Variants in CEP120 observed in about 807,000 individuals in gnomAD.
CEP120 encodes the protein centrosomal protein of 120 kDa.
In CEP120, 113 loss-of-function variants were observed where a neutral mutation model predicts 126.5. That is an observed-to-expected ratio of 0.89 (90% CI 0.77 to 1.04). The LOEUF (loss-of-function observed/expected upper bound fraction) is 1.04. Among genes scored for constraint, CEP120 ranks in the 50% least tolerant of loss-of-function variants. The pLI is 0.00. For missense variants in CEP120, 1,230 were observed against 1,155.7 expected, an observed-to-expected ratio of 1.06 and a Z score of -0.93; for synonymous variants, 400 against 394.3, an observed-to-expected ratio of 1.01 and a Z score of -0.17.
intron 4 of CEP120, among the ~76,000 whole-genome samples, chr5:123,404,058 T>C (rs1327553565): frequency 1.3e-5 from 2 of 152,250 alleles, no homozygotes; most frequent in African/African-American, 4.8e-5. Context: ...CCAGTTCTGA[T>C]GGATATACCA....
chr5:123,378,976 A>C (rs951860174), intron 14 of CEP120, among the ~76,000 whole-genome samples: 1 of 152,042 alleles, frequency 6.6e-6, no homozygotes, highest in African/African-American at 2.4e-5. Context: ...ATCTAGCATG[A>C]AAATTAGGAA....
chr5:123,348,042 A>G (rs896850863), intron 19 of CEP120, among the ~76,000 whole-genome samples: 3 of 152,152 alleles, frequency 2.0e-5, no homozygotes, highest in Non-Finnish European at 4.4e-5. Flanking sequence ...ACTGAACACT[A>G]CTTCCATGAA....
intron 16 of CEP120, among the ~76,000 whole-genome samples, chr5:123,376,338 G>A (rs976684035): frequency 6.6e-6 from 1 of 152,040 alleles, no homozygotes; most frequent in Non-Finnish European, 1.5e-5. Context: ...AAGATCCTGT[G>A]GTTGAAGTGA....
chr5:123,388,681 G>A (rs1772184734), intron 8 of CEP120, 75 bp from the exon 9 acceptor site: 1 of 1,180,216 alleles, frequency 8.5e-7, no homozygotes, highest in Non-Finnish European at 1.1e-6. Context: ...GATAGTTTAA[G>A]GCTATCATCT....
chr5:123,375,761 C>A (rs1216359619), intron 16 of CEP120, among the ~76,000 whole-genome samples: 1 of 152,080 alleles, frequency 6.6e-6, no homozygotes, highest in African/African-American at 2.4e-5. Context: ...ACTGGTGAAT[C>A]CCATCATAAT....
At chr5:123,378,638 T>C (rs1477221428) in intron 14 of CEP120, among the ~76,000 whole-genome samples, 1 of 152,116 alleles carries the variant, frequency 6.6e-6, no homozygotes, top group Non-Finnish European at 1.5e-5. Flanking sequence ...TGGTCTTTTT[T>C]CTTCTCCAAG....
Position 123,399,182 on chromosome 5 carries a change from G to A in CEP120, c.566C>T (p.Ser189Phe). 6.2e-7 allele frequency: 1 copy of A among 1,613,160 alleles called. No homozygotes were observed. Among genetic ancestry groups the A allele is most frequent in the South Asian group, 1.1e-5 (1 of 91,022 alleles). The change falls in exon 5 of 20, where the codon TCC becomes TTC. Residue 189 changes from serine (S) to phenylalanine (F), a missense_variant. Physicochemically the swap from Ser to Phe is radical, Grantham distance 155. Coordinates refer to ENST00000306467, the MANE Select transcript of CEP120 (RefSeq NM_001375405.1). ...TGCTATGGTCACTGACATAATAAAGGAGTCAGTACAGTATTCTGCTGGTCC... is the reference window on the plus strand; with the variant it reads ...TGCTATGGTCACTGACATAATAAAGAAGTCAGTACAGTATTCTGCTGGTCC... ...QIGPAEYCTD[S>F]FIMSVTIAFA...
In CEP120 at chr5:123,411,714, CA is replaced by C. The variant is rs1774069613; in HGVS notation, c.463+684del. Among the ~76,000 whole-genome samples, 4 of 152,230 alleles carry C rather than the reference CA, an allele frequency of 2.6e-5. No homozygotes were observed. In the South Asian group the frequency reaches 6.2e-4, roughly 24 times the overall value. ...GAGGGAGGAATGAATAGGTGGAGCA[CA>C]GATGATTTTTAGGGTGGTGAAACTA... On this transcript the variant is annotated intron_variant, in intron 4 of 19. Transcript: ENST00000306467.
rs66479829 is a variant in CEP120, at chr5:123,412,655, A to AT, written c.322-116dup. On this transcript the variant is annotated intron_variant, in intron 3 of 19. Transcript: ENST00000306467. ...GTAGCTTTTCAGTACTTTATAAACA[A>AT]TTTTTTTTTCACATTTTTCTCAAAA... 29,194 of 671,886 alleles carry AT rather than the reference A, an allele frequency of 0.043. 837 individuals are homozygous for AT. The highest frequency in any genetic ancestry group is 0.11 in the African/African-American group (5,852 of 52,974). The allele number at this position is 671,886 out of a possible 1,614,324, so 41.6% of individuals were successfully genotyped here.
rs754942470 is a variant in CEP120, at chr5:123,377,537, T to C, written c.2197-2A>G. 2 of 1,575,186 alleles carry C rather than the reference T, an allele frequency of 1.3e-6. No homozygotes were observed. Among genetic ancestry groups the C allele is most frequent in the South Asian group, 1.2e-5 (1 of 83,456 alleles). ...CAGTTCCTTTTTTTCTCTTTGAAGC[T>C]TAAAACAAAGGCATCTTTAAGAGGT... On this transcript the variant is annotated splice_acceptor_variant, in intron 15 of 19. Coordinates refer to ENST00000306467, the MANE Select transcript of CEP120 (RefSeq NM_001375405.1). LOFTEE classifies it high-confidence loss of function.
intron 17 of CEP120, among the ~76,000 whole-genome samples, chr5:123,370,825 T>C (rs1207821185): frequency 6.6e-6 from 1 of 150,838 alleles, no homozygotes; most frequent in Non-Finnish European, 1.5e-5. Context: ...CCCAGGCTGG[T>C]CTTGAACTGA....
At chr5:123,392,031 C>A (rs1385257172) in intron 6 of CEP120, among the ~76,000 whole-genome samples, 1 of 151,912 alleles carries the variant, frequency 6.6e-6, no homozygotes, top group African/African-American at 2.4e-5. Flanking sequence ...GAAGCCTTAG[C>A]AAACTTAGTA....
intron 3 of CEP120, among the ~76,000 whole-genome samples, chr5:123,413,984 C>T (rs1774232661): frequency 6.6e-6 from 1 of 151,966 alleles, no homozygotes; most frequent in African/African-American, 2.4e-5. Context: ...TTGTACTATC[C>T]AATTACAAAT....
chr5:123,383,501 A>C (rs746423392), intron 11 of CEP120, among the ~76,000 whole-genome samples: 1 of 152,216 alleles, frequency 6.6e-6, no homozygotes, highest in South Asian at 2.1e-4. Context: ...TTCTCACATC[A>C]TAACATTAAT....
chr5:123,394,069 T>A (rs959189578), intron 5 of CEP120, among the ~76,000 whole-genome samples: 1 of 152,238 alleles, frequency 6.6e-6, no homozygotes, highest in African/African-American at 2.4e-5. Flanking sequence ...TACATATGAC[T>A]AAGAGATGGG....
In CEP120 at chr5:123,423,275, G is replaced by C. The variant is rs558742442; in HGVS notation, c.-277C>G. Reference sequence around the variant, plus strand: ...GCAAGCAGAGACAAGCCCGCCACCCGAGGACCTTTTGCCGCCTGCGTAGCC... The same window carrying C: ...GCAAGCAGAGACAAGCCCGCCACCCCAGGACCTTTTGCCGCCTGCGTAGCC... On this transcript the variant is annotated 5_prime_UTR_variant, in exon 1 of 20. Transcript: ENST00000306467. The C allele has an allele frequency of 1.5e-5, 7 of 476,308 alleles. No homozygotes were observed. The highest frequency in any genetic ancestry group is 2.6e-5 in the Non-Finnish European group (7 of 268,450). 29.5% of individuals were successfully genotyped at this position (476,308 alleles called of 1,614,324 possible). A position where few individuals can be genotyped will look rare whatever the true frequency, so the allele number is the denominator to read the frequency against.
At position 123,360,673 on chromosome 5, in the gene CEP120, A is replaced by AAGACGGTAGGAAATACAC. The variant is rs58585127; in HGVS notation, c.2580+3822_2580+3823insGTGTATTTCCTACCGTCT. 7.3e-5 allele frequency among the ~76,000 whole-genome samples: 11 copies of AAGACGGTAGGAAATACAC among 151,484 alleles called. No individual in the cohort carries two copies. In the South Asian group the frequency reaches 2.3e-3, roughly 31 times the overall value. On this transcript the variant is annotated intron_variant, in intron 18 of 19. Transcript: ENST00000306467. ...TTTGGGCAAGAGGGTAGGAAATACA[A>AAGACGGTAGGAAATACAC]AAGAAGAAGGTTAAATAGAAAATGG...
intron 5 of CEP120, among the ~76,000 whole-genome samples, chr5:123,396,345 T>C (rs1772790726): frequency 1.3e-5 from 2 of 152,172 alleles, no homozygotes; most frequent in African/African-American, 4.8e-5. Flanking sequence ...CATGTGGTAA[T>C]TCTGTTTAAC....
Position 123,383,321 on chromosome 5 carries a change from G to C in CEP120, c.1764-239C>G, listed in dbSNP as rs1386092101. 4.6e-5 allele frequency among the ~76,000 whole-genome samples: 7 copies of C among 152,002 alleles called. No individual in the cohort carries two copies. In the East Asian group the frequency reaches 1.4e-3, roughly 29 times the overall value. ...ATTTACTACAAAATGACCCCTATGA[G>C]AGCTTTAAAAGGTATAAAGGTGAAA... On this transcript the variant is annotated intron_variant, in intron 11 of 19. Transcript: ENST00000306467.
Sources: gnomAD v4.1 joint callset for allele counts (sites outside exome capture counted in the v4.1 genomes callset) on GRCh38, gnomAD v4.1.1 for gene constraint, MANE v1.5 for transcripts, NCBI Gene and HGNC (gene_info 2026-07-23, HGNC 2026-07-21) for gene names.